Variants in MTUS1 observed in about 807,000 individuals in gnomAD.
The protein encoded by MTUS1 is microtubule-associated tumor suppressor 1.
MTUS1 carries 109 observed loss-of-function variants against 120.8 expected under a neutral mutation model. That is an observed-to-expected ratio of 0.90 (90% confidence interval 0.77 to 1.06). The LOEUF (loss-of-function observed/expected upper bound fraction) is 1.06. Ranked by LOEUF, MTUS1 falls within the 50% of genes least tolerant of loss-of-function variation. The probability of loss-of-function intolerance (pLI) is 0.00; values close to 1 mark genes in which losing one functional copy is unlikely to be tolerated. For missense variants in MTUS1, 2,210 were observed against 1,486.3 expected, an observed-to-expected ratio of 1.49 and a Z score of -8.01; for synonymous variants, 737 against 550.5, an observed-to-expected ratio of 1.34 and a Z score of -4.74.
intron 6 of MTUS1, among the ~76,000 whole-genome samples, chr8:17,702,872 G>A (rs1311117814): frequency 1.3e-5 from 2 of 152,182 alleles, no homozygotes; most frequent in Non-Finnish European, 2.9e-5. Context: ...TGGAGCCACG[G>A]CAGAGGAAAC....
chr8:17,737,441 T>C (rs1193948681), intron 3 of MTUS1, among the ~76,000 whole-genome samples: 1 of 152,218 alleles, frequency 6.6e-6, no homozygotes, highest in African/African-American at 2.4e-5. Context: ...GAAACTAATT[T>C]AATTACATAA....
At chr8:17,696,184 T>C (rs1235504877) in intron 6 of MTUS1, among the ~76,000 whole-genome samples, 1 of 152,000 alleles carries the variant, frequency 6.6e-6, no homozygotes, top group Non-Finnish European at 1.5e-5. Context: ...CCATTTACCG[T>C]CAGCTCAGAC....
chr8:17,654,052 C>T (rs867263507), intron 10 of MTUS1: 2 of 163,384 alleles, frequency 1.2e-5, no homozygotes, highest in African/African-American at 4.8e-5. Context: ...CCACGCTGCT[C>T]TGTAAGATGC....
rs1805482824 is a variant in MTUS1, at chr8:17,644,844, G to A, written c.*1082C>T. 6.6e-6 allele frequency: 1 copy of A among 151,992 alleles called. No homozygotes were observed. Among genetic ancestry groups the A allele is most frequent in the Non-Finnish European group, 1.5e-5 (1 of 68,040 alleles). The allele number at this position is 151,992 out of a possible 1,614,324, so 9.4% of individuals were successfully genotyped here. A position where few individuals can be genotyped will look rare whatever the true frequency, so the allele number is the denominator to read the frequency against. ...GCACCTGGAAGATGAGCTGGCTCTGGGGCTCTGGAAAATCATATTCCTTTA... is the reference window on the plus strand; with the variant it reads ...GCACCTGGAAGATGAGCTGGCTCTGAGGCTCTGGAAAATCATATTCCTTTA... On this transcript the variant is annotated 3_prime_UTR_variant, in exon 15 of 15. Coordinates refer to ENST00000693296, the MANE Select transcript of MTUS1 (RefSeq NM_001363059.2).
chr8:17,730,850 A>G lies in MTUS1; in HGVS notation c.2288-7017T>C, dbSNP rs576708580. Reference sequence around the variant, plus strand: ...AGAACTGGGGGTTAGTAAAATGGATACAGGATTTCAGGGGGGAAAACAAAG... The same window carrying G: ...AGAACTGGGGGTTAGTAAAATGGATGCAGGATTTCAGGGGGGAAAACAAAG... On this transcript the variant is annotated intron_variant, in intron 3 of 14. Transcript: ENST00000693296. Among the ~76,000 whole-genome samples, 4 of 152,302 alleles carry G rather than the reference A, an allele frequency of 2.6e-5. No individual in the cohort carries two copies. The South Asian group carries it at 6.2e-4, about 24-fold the overall frequency.
rs1210338239 is a variant in MTUS1, at chr8:17,742,269, G to GTT, written c.2287+1333_2287+1334dup. Among the ~76,000 whole-genome samples the GTT allele has an allele frequency of 2.2e-4, 21 of 94,904 alleles. 1 individual carries two copies. The highest frequency in any genetic ancestry group is 7.7e-4 in the South Asian group (2 of 2,606). 62.3% of individuals were successfully genotyped at this position (94,904 alleles called of 152,430 possible). A position where few individuals can be genotyped will look rare whatever the true frequency, so the allele number is the denominator to read the frequency against. On this transcript the variant is annotated intron_variant, in intron 3 of 14. Coordinates refer to ENST00000693296, the MANE Select transcript of MTUS1 (RefSeq NM_001363059.2). ...CACCATCATGCTCTCATGCCCAGCTGTTTTTTTTTTTTGTTGTTGTTGTTT... is the reference window on the plus strand; with the variant it reads ...CACCATCATGCTCTCATGCCCAGCTGTTTTTTTTTTTTTTGTTGTTGTTGTTT...
chr8:17,703,584 G>A (rs454325), intron 6 of MTUS1, among the ~76,000 whole-genome samples: 24,266 of 148,838 alleles, frequency 0.16, 2,198 homozygotes, highest in East Asian at 0.32. Context: ...AGCCGAGATC[G>A]CGCCACTGCA....
intron 4 of MTUS1, among the ~76,000 whole-genome samples, chr8:17,719,990 G>A (rs1450495775): frequency 6.7e-6 from 1 of 149,478 alleles, no homozygotes; most frequent in South Asian, 2.1e-4. Context: ...TCAGAGGAGA[G>A]TATGGAGGCT....
At chr8:17,764,942 A>G (rs2049348864) in intron 1 of MTUS1, among the ~76,000 whole-genome samples, 1 of 152,202 alleles carries the variant, frequency 6.6e-6, no homozygotes, top group African/African-American at 2.4e-5. Flanking sequence ...TTCTATTAGT[A>G]TTACATTGTA....
At chr8:17,651,033 C>T (rs1403337240) in intron 12 of MTUS1, among the ~76,000 whole-genome samples, 2 of 152,202 alleles carry the variant, frequency 1.3e-5, no homozygotes, top group African/African-American at 2.4e-5. Flanking sequence ...TTACTTCACA[C>T]AGAAAGAGGA....
chr8:17,801,420 G>T (rs1181146654), upstream of MTUS1: 1 of 151,792 alleles, frequency 6.6e-6, no homozygotes, highest in African/African-American at 2.4e-5. Context: ...CCGTCCCAGG[G>T]GACGGCCCTC....
chr8:17,739,217 G>C (rs892403115), intron 3 of MTUS1, among the ~76,000 whole-genome samples: 20 of 152,082 alleles, frequency 1.3e-4, no homozygotes, highest in Non-Finnish European at 2.8e-4. Context: ...ACTCAGGCCA[G>C]GCGCGGTGGC....
chr8:17,799,596 T>A (rs768626438), intron 1 of MTUS1, among the ~76,000 whole-genome samples: 1 of 152,152 alleles, frequency 6.6e-6, no homozygotes, highest in African/African-American at 2.4e-5. Context: ...TTTAAATGCT[T>A]GAGTGTAATA....
rs74917988 is a variant in MTUS1 at position 17,690,160 on chromosome 8, C to T, written c.2624-5618G>A. Among the ~76,000 whole-genome samples, 905 of 152,170 alleles carry T rather than the reference C, an allele frequency of 5.9e-3. 9 individuals carry two copies. Among genetic ancestry groups the T allele is most frequent in the African/African-American group, 0.021 (853 of 41,514 alleles). On this transcript the variant is annotated intron_variant, in intron 6 of 14. Transcript: ENST00000693296. ...TCTAATATTCAGAATTTACAAGGAA[C>T]GCTAGCAACTAGCAAGAAAAAATAC...
chr8:17,795,558 C>T (rs2052155528), intron 1 of MTUS1, among the ~76,000 whole-genome samples: 1 of 151,264 alleles, frequency 6.6e-6, no homozygotes, highest in Non-Finnish European at 1.5e-5. Flanking sequence ...TGTGTCCTAG[C>T]AATAAAGCTT....
intron 6 of MTUS1, chr8:17,693,388 C>G (rs1180306058): frequency 6.6e-6 from 1 of 152,120 alleles, no homozygotes; most frequent in African/African-American, 2.4e-5. Flanking sequence ...AAGATAACCT[C>G]GATCCAACAA....
At chr8:17,735,999 C>A (rs765324431) in intron 3 of MTUS1, among the ~76,000 whole-genome samples, 11 of 152,176 alleles carry the variant, frequency 7.2e-5, no homozygotes, top group Non-Finnish European at 1.5e-4. Context: ...CCCCCTTATC[C>A]CCTCACCCTC....
chr8:17,677,242 T>A (rs943391619), intron 7 of MTUS1, among the ~76,000 whole-genome samples: 1 of 152,208 alleles, frequency 6.6e-6, no homozygotes, highest in African/African-American at 2.4e-5. Flanking sequence ...CATAAATACT[T>A]CTCGTAATAT....
intron 1 of MTUS1, among the ~76,000 whole-genome samples, chr8:17,784,693 G>A (rs760775262): frequency 5.9e-5 from 9 of 152,258 alleles, no homozygotes; most frequent in South Asian, 4.1e-4. Context: ...AACAGTCTCC[G>A]AGAAGTTCCG....
Sources: gnomAD v4.1 joint callset for allele counts (sites outside exome capture counted in the v4.1 genomes callset) on GRCh38, gnomAD v4.1.1 for gene constraint, MANE v1.5 for transcripts, NCBI Gene and HGNC (gene_info 2026-07-23, HGNC 2026-07-21) for gene names.